The following SLC4A5 variants were observed in gnomAD, a reference collection of about 807,000 sequenced individuals.
The protein encoded by SLC4A5 is solute carrier family 4 member 5, also known as electrogenic sodium bicarbonate cotransporter 4.
Under a neutral mutation model 120.4 loss-of-function variants are expected in SLC4A5, and 96 were observed. That is an observed-to-expected ratio of 0.80 (90% CI 0.68 to 0.94). The LOEUF (loss-of-function observed/expected upper bound fraction) is 0.94, where lower values mean the gene tolerates loss of function less well. Ranked by LOEUF, SLC4A5 falls within the 40% of genes least tolerant of loss-of-function variation. SLC4A5 has a pLI of 0.00. For synonymous variants in SLC4A5, 550 were observed against 571.1 expected (o/e 0.96, Z 0.53); for missense variants, 1,259 against 1,459.5 (o/e 0.86, Z 2.24).
chr2:74,307,109 G>A (rs780632551), intron 6 of SLC4A5: 40 of 554,582 alleles, frequency 7.2e-5, no homozygotes, highest in Non-Finnish European at 1.2e-4. Context: ...CCAAGGACTG[G>A]ACTGTACGTC....
intron 29 of SLC4A5, among the ~76,000 whole-genome samples, chr2:74,222,000 C>T (rs1008558890): frequency 7.2e-5 from 11 of 152,132 alleles, no homozygotes; most frequent in Non-Finnish European, 1.3e-4. Flanking sequence ...CCCAGGATTT[C>T]CATAAGCAAT....
intron 29 of SLC4A5, among the ~76,000 whole-genome samples, chr2:74,221,877 C>G (rs1423147939): frequency 2.0e-5 from 3 of 152,098 alleles, no homozygotes; most frequent in Admixed American, 2.0e-4. Context: ...GGGCTCGGGA[C>G]TAAGGTAGGG....
Position 74,290,410 on chromosome 2 carries a change from A to G in SLC4A5, c.272-4508T>C, listed in dbSNP as rs993766276. 4 of 984,992 alleles carry G rather than the reference A, an allele frequency of 4.1e-6. No homozygotes were observed. In the African/African-American group the frequency reaches 5.3e-5, roughly 13 times the overall value. The allele number at this position is 984,992 out of a possible 1,614,324, so 61.0% of individuals were successfully genotyped here. On this transcript the variant is annotated intron_variant, in intron 7 of 30. Coordinates refer to ENST00000394019, the Ensembl canonical transcript of SLC4A5. ...TAAGCACCAGGGGAGGTGTGGGGAGAGAAGAAGGGGGGTTTGAGGGGAGAA... is the reference window on the plus strand; with the variant it reads ...TAAGCACCAGGGGAGGTGTGGGGAGGGAAGAAGGGGGGTTTGAGGGGAGAA...
At chr2:74,217,875 C>T (rs1694492561) in exon 31 of SLC4A5, 1 of 152,320 alleles carries the variant, frequency 6.6e-6, no homozygotes, top group African/African-American at 2.4e-5. Flanking sequence ...GCCATCTCAG[C>T]TCACTGCAAC....
intron 8 of SLC4A5, 71 bp downstream of exon 8, chr2:74,285,702 C>G: frequency 6.4e-7 from 1 of 1,573,190 alleles, no homozygotes; most frequent in South Asian, 1.1e-5. Flanking sequence ...CCACTTCCCA[C>G]CAGGAGGGTC....
At chr2:74,273,514 C>T (rs1392401863) in intron 8 of SLC4A5, among the ~76,000 whole-genome samples, 1 of 152,184 alleles carries the variant, frequency 6.6e-6, no homozygotes, top group East Asian at 1.9e-4. Flanking sequence ...TTCTGTAACT[C>T]TCCCACCCCG....
intron 19 of SLC4A5, among the ~76,000 whole-genome samples, chr2:74,243,379 T>C (rs1178863788): frequency 6.6e-6 from 1 of 152,232 alleles, no homozygotes; most frequent in Non-Finnish European, 1.5e-5. Flanking sequence ...GCTACGTTGC[T>C]CACTCCCAGG....
At chr2:74,305,790 T>A (rs895167157) in intron 6 of SLC4A5, among the ~76,000 whole-genome samples, 2 of 136,388 alleles carry the variant, frequency 1.5e-5, no homozygotes. Context: ...AGTGGCACAA[T>A]CTTGGCTCAC....
chr2:74,241,959 C>A, intron 20 of SLC4A5, 35 bp downstream of exon 20: 1 of 1,583,540 alleles, frequency 6.3e-7, no homozygotes. Flanking sequence ...CAAACAAAAG[C>A]ACTCAAATGT....
chr2:74,223,830 C>A (rs1274238527), intron 28 of SLC4A5, among the ~76,000 whole-genome samples: 5 of 152,076 alleles, frequency 3.3e-5, no homozygotes, highest in Non-Finnish European at 7.3e-5. Context: ...AATTAAGGAC[C>A]AGGGGAGTTC....
chr2:74,272,730 T>G (rs1014405968), intron 8 of SLC4A5, among the ~76,000 whole-genome samples: 2 of 152,236 alleles, frequency 1.3e-5, no homozygotes, highest in African/African-American at 4.8e-5. Flanking sequence ...GGGCCAGAAC[T>G]GAGGCCTTTT....
chr2:74,281,053 T>C (rs1671798167), intron 8 of SLC4A5, among the ~76,000 whole-genome samples: 2 of 152,214 alleles, frequency 1.3e-5, no homozygotes, highest in African/African-American at 4.8e-5. Context: ...CCATCCTGTA[T>C]GGAGTGAGAG....
At chr2:74,242,311 A>C (rs564044811) in intron 19 of SLC4A5, among the ~76,000 whole-genome samples, 1 of 152,354 alleles carries the variant, frequency 6.6e-6, no homozygotes, top group Non-Finnish European at 1.5e-5. Flanking sequence ...TAAAAACTGA[A>C]ATAAGGAATC....
intron 19 of SLC4A5, among the ~76,000 whole-genome samples, chr2:74,246,642 T>C (rs762514410): frequency 2.6e-5 from 4 of 152,200 alleles, no homozygotes; most frequent in Non-Finnish European, 5.9e-5. Context: ...GGCAGCTCTG[T>C]CTTGGGGAGA....
At chr2:74,262,034 G>A (rs1397104775) in intron 11 of SLC4A5, 103 bp downstream of exon 11, 56 of 1,038,648 alleles carry the variant, frequency 5.4e-5, no homozygotes, top group Non-Finnish European at 7.4e-5. Flanking sequence ...GAGAATTCTT[G>A]GCAGATCCTG....
chr2:74,281,354 A>G (rs140959456), intron 8 of SLC4A5, among the ~76,000 whole-genome samples: 10 of 152,318 alleles, frequency 6.6e-5, no homozygotes, highest in Non-Finnish European at 1.5e-4. Flanking sequence ...GTTCCAACCC[A>G]GGTCATTCTC....
chr2:74,331,254 T>C (rs1351080710), intron 4 of SLC4A5, among the ~76,000 whole-genome samples: 2 of 151,072 alleles, frequency 1.3e-5, no homozygotes, highest in East Asian at 3.9e-4. Flanking sequence ...ATGGTGGTGG[T>C]GAGGTCTAGA....
At chr2:74,248,545 G>T (rs998219154) in intron 17 of SLC4A5, 59 bp from the exon 18 acceptor site, 8 of 1,596,128 alleles carry the variant, frequency 5.0e-6, no homozygotes, top group Admixed American at 1.7e-5. Context: ...TCTCCACACA[G>T]GCTGCAGCCC....
At chr2:74,230,040 A>G (rs1405353878) in intron 25 of SLC4A5, among the ~76,000 whole-genome samples, 1 of 151,314 alleles carries the variant, frequency 6.6e-6, no homozygotes, top group Non-Finnish European at 1.5e-5. Flanking sequence ...TTTTGTAGAG[A>G]TGGGGGTCTT....
Sources: allele counts gnomAD v4.1 joint callset (sites outside exome capture counted in the v4.1 genomes callset), GRCh38; gene constraint gnomAD v4.1.1; transcripts MANE v1.5; gene names NCBI Gene and HGNC (gene_info 2026-07-23, HGNC 2026-07-21).